Variants in TET3 observed in about 807,000 individuals in gnomAD.
TET3 encodes methylcytosine dioxygenase TET3.
In TET3, 19 loss-of-function variants were observed where a neutral mutation model predicts 141.4. The observed-to-expected ratio is 0.13, with a 90% confidence interval of 0.09 to 0.20. TET3 has a LOEUF of 0.20. Among genes scored for constraint, TET3 ranks in the 10% least tolerant of loss-of-function variants. The pLI is 1.00. For missense variants in TET3, 1,874 were observed against 2,356.9 expected (o/e 0.80, Z 4.24); for synonymous variants, 1,043 against 980.9 (o/e 1.06, Z -1.18).
chr2:74,089,834 G>A, intron 7 of TET3, 63 bp from the exon 8 acceptor site: 13 of 1,584,920 alleles, frequency 8.2e-6, no homozygotes, highest in Non-Finnish European at 1.1e-5. Flanking sequence ...CTTGAGGGAG[G>A]AGGAATACTC....
At position 74,102,214 on chromosome 2, in the gene TET3, C is replaced by T; in HGVS notation, c.*38C>T. ...CAGCGTACCTCAGCGTCGGGCCTGG[C>T]CCGAGCTGTCTCTGTGGTGCTTTTG... On this transcript the variant is annotated 3_prime_UTR_variant, in exon 12 of 12. Transcript: ENST00000409262. 7.1e-7 allele frequency: 1 copy of T among 1,414,856 alleles called. No individual in the cohort carries two copies. Among genetic ancestry groups the T allele is most frequent in the African/African-American group, 1.4e-5 (1 of 69,414 alleles). The allele number at this position is 1,414,856 out of a possible 1,614,324, so 87.6% of individuals were successfully genotyped here.
At chr2:74,130,646 G>T in the TET3 span, 3 of 152,300 alleles carry the variant, frequency 2.0e-5, no homozygotes, top group Non-Finnish European at 4.4e-5. Flanking sequence ...CTGGACCCGG[G>T]GATCGAGGGC....
At chr2:73,984,676 C>T (rs1683903138), upstream of TET3, among the ~76,000 whole-genome samples, 1 of 151,748 alleles carries the variant, frequency 6.6e-6, no homozygotes, top group African/African-American at 2.4e-5. This position sits in a 1 kb window ranked among gnomAD's most constrained non-coding sequence, Gnocchi z 5.6. Flanking sequence ...CCCGGGAGGG[C>T]CGACCGCGTG....
chr2:74,074,882 G>GT (rs11373002), intron 5 of TET3, among the ~76,000 whole-genome samples: 50,619 of 150,896 alleles, frequency 0.34, 9,503 homozygotes, highest in African/African-American at 0.5. Flanking sequence ...TGTTTTGTTT[G>GT]TTTTTTTTTG....
chr2:74,025,049 C>G (rs910346652), intron 3 of TET3, among the ~76,000 whole-genome samples: 1 of 151,534 alleles, frequency 6.6e-6, no homozygotes, highest in African/African-American at 2.4e-5. Flanking sequence ...CAGTGAAACC[C>G]CGTCTCTACT....
chr2:74,123,740 C>T, the TET3 span, among the ~76,000 whole-genome samples: 1 of 151,618 alleles, frequency 6.6e-6, no homozygotes, highest in Non-Finnish European at 1.5e-5. Context: ...ATGTGAGGAG[C>T]CCTTCTGACC....
chr2:74,112,929 C>T (rs1691736206), downstream of TET3, among the ~76,000 whole-genome samples: 1 of 142,734 alleles, frequency 7.0e-6, no homozygotes, highest in East Asian at 2.1e-4. Flanking sequence ...TGATATGGGA[C>T]CCGAGAGGCA....
intron 6 of TET3, among the ~76,000 whole-genome samples, chr2:74,083,671 AGG>A (rs1689956904): frequency 6.6e-6 from 1 of 152,178 alleles, no homozygotes; most frequent in African/African-American, 2.4e-5. Context: ...GAGTGTGGGT[AGG>A]GAACTCCTCT....
chr2:74,037,516 G>C (rs1353666965), intron 3 of TET3, among the ~76,000 whole-genome samples: 1 of 152,222 alleles, frequency 6.6e-6, no homozygotes, highest in African/African-American at 2.4e-5. Flanking sequence ...AAAGTACTGG[G>C]TGGAGTTTAC....
In TET3 at chr2:74,047,497, C is replaced by T. The variant is rs1170713430; in HGVS notation, c.1580C>T (p.Ala527Val). Reference protein sequence around the residue: ...EPDTHQKAQTALQQHLHHKRS... With the variant: ...EPDTHQKAQTVLQQHLHHKRS... ...GACACCCACCAGAAGGCCCAGACCG[C>T]CCTGCAGCAGCACCTCCACCACAAG... Residue 527 changes from alanine (A) to valine (V), a missense_variant, in exon 4 of 12, where the codon GCC becomes GTC. Around this residue, in one of 10 missense-constraint regions of TET3, gnomAD observed 484 missense variants for 462.2 expected, o/e 1.05. Transcript: ENST00000409262. 2 of 1,612,868 alleles carry T rather than the reference C, an allele frequency of 1.2e-6. No individual in the cohort carries two copies. Among genetic ancestry groups the T allele is most frequent in the Non-Finnish European group, 1.7e-6 (2 of 1,179,876 alleles).
chr2:74,084,620 T>A (rs1475646554), intron 6 of TET3, among the ~76,000 whole-genome samples: 4 of 152,028 alleles, frequency 2.6e-5, no homozygotes, highest in Non-Finnish European at 4.4e-5. Context: ...GCCCAGCTAA[T>A]TTTTTGTATT....
the TET3 span, among the ~76,000 whole-genome samples, chr2:74,129,864 T>C: frequency 6.6e-6 from 1 of 151,596 alleles, no homozygotes; most frequent in Non-Finnish European, 1.5e-5. Flanking sequence ...GAGGCCGAGG[T>C]GGACGGATTA....
At chr2:74,078,156 ATGTT>A (rs890016204) in intron 5 of TET3, among the ~76,000 whole-genome samples, 2 of 152,236 alleles carry the variant, frequency 1.3e-5, no homozygotes, top group Admixed American at 6.5e-5. Flanking sequence ...TTTTAAAAAA[ATGTT>A]TGTGGCCTGA....
intron 3 of TET3, among the ~76,000 whole-genome samples, chr2:74,019,006 G>T (rs1213663042): frequency 6.6e-6 from 1 of 152,136 alleles, no homozygotes; most frequent in Admixed American, 6.6e-5. Flanking sequence ...CAGTGCTTTG[G>T]GAGGCTGAGG....
chr2:74,079,325 G>A (rs1364006792), intron 5 of TET3, among the ~76,000 whole-genome samples: 1 of 152,044 alleles, frequency 6.6e-6, no homozygotes, highest in African/African-American at 2.4e-5. Flanking sequence ...CAGCCTGGGC[G>A]ACAGAGTGAG....
At chr2:74,015,977 C>T (rs1415476381) in intron 3 of TET3, among the ~76,000 whole-genome samples, 5 of 152,194 alleles carry the variant, frequency 3.3e-5, no homozygotes, top group Non-Finnish European at 2.9e-5. Context: ...TTGCCTATTA[C>T]ATCCATATTA....
rs1320558785 is a variant in TET3, at chr2:74,061,406, G to A, written c.2495-12143G>A. ...ACCTCCCTCCCGGACGGGGCGGCTG[G>A]CAGGGCGGGGGGCTGACCCCCCCAC... On this transcript the variant is annotated intron_variant, in intron 4 of 11. Coordinates refer to ENST00000409262, the MANE Select transcript of TET3 (RefSeq NM_001287491.2). 4.1e-5 allele frequency among the ~76,000 whole-genome samples: 6 copies of A among 145,622 alleles called. No individual in the cohort carries two copies. In the South Asian group the frequency reaches 1.1e-3, roughly 26 times the overall value.
intron 2 of TET3, among the ~76,000 whole-genome samples, chr2:73,990,663 A>G (rs1251524385): frequency 2.0e-5 from 3 of 152,226 alleles, no homozygotes; most frequent in African/African-American, 7.2e-5. Flanking sequence ...ATGGAAAGAT[A>G]TATGTGATGA....
At chr2:74,062,149 C>T (rs188914947) in intron 4 of TET3, among the ~76,000 whole-genome samples, 1 of 152,320 alleles carries the variant, frequency 6.6e-6, no homozygotes, top group South Asian at 2.1e-4. Context: ...CTGAGTGAAC[C>T]AGACTCCGTC....
Sources: allele counts gnomAD v4.1 joint callset (sites outside exome capture counted in the v4.1 genomes callset), GRCh38; gene constraint gnomAD v4.1.1; regional missense constraint gnomAD v4.1.1; non-coding constraint Gnocchi (gnomAD v3.1); transcripts MANE v1.5; gene names NCBI Gene and HGNC (gene_info 2026-07-23, HGNC 2026-07-21).